CCDC91: variants seen among roughly 807,000 people sequenced by gnomAD.
The protein encoded by CCDC91 is coiled-coil domain containing 91, also known as coiled-coil domain-containing protein 91.
In CCDC91, 48 loss-of-function variants were observed where a neutral mutation model predicts 63.2. That is an observed-to-expected ratio of 0.76 (90% CI 0.60 to 0.97). CCDC91 has a LOEUF of 0.97. Among genes scored for constraint, CCDC91 ranks in the 50% least tolerant of loss-of-function variants. CCDC91 has a pLI of 0.00. For missense variants in CCDC91, 500 were observed against 494.6 expected, an observed-to-expected ratio of 1.01 and a Z score of -0.10; for synonymous variants, 167 against 165.8, an observed-to-expected ratio of 1.01 and a Z score of -0.06.
chr12:28,267,846 T>A (rs1400775392), intron 3 of CCDC91, among the ~76,000 whole-genome samples: 12,164 of 29,728 alleles, frequency 0.41, 2,720 homozygotes, highest in Non-Finnish European at 0.55. Context: ...TATATATAAT[T>A]ATATAGTAAT....
intron 6 of CCDC91, among the ~76,000 whole-genome samples, chr12:28,337,532 GTTTTT>G (rs982201533): frequency 7.1e-6 from 1 of 141,396 alleles, no homozygotes; most frequent in African/African-American, 2.6e-5. Context: ...TCATGACCTT[GTTTTT>G]TTTTTTCTTT....
At chr12:28,256,025 G>A (rs1288499389) in intron 1 of CCDC91, 4 of 152,056 alleles carry the variant, frequency 2.6e-5, no homozygotes, top group African/African-American at 9.7e-5. Flanking sequence ...TTGTTTTCCT[G>A]TAATGAAGTC....
intron 11 of CCDC91, among the ~76,000 whole-genome samples, chr12:28,481,425 A>G (rs1951441144): frequency 6.6e-6 from 1 of 152,012 alleles, no homozygotes; most frequent in Non-Finnish European, 1.5e-5. Flanking sequence ...AATATTTTGG[A>G]AAATACTTTT....
chr12:28,498,188 C>G (rs1377274744), intron 12 of CCDC91, among the ~76,000 whole-genome samples: 4 of 151,554 alleles, frequency 2.6e-5, no homozygotes, highest in African/African-American at 4.8e-5. Flanking sequence ...GTGATTCATT[C>G]ACTCCTTTTA....
intron 8 of CCDC91, among the ~76,000 whole-genome samples, chr12:28,447,089 C>A (rs1949538616): frequency 6.6e-6 from 1 of 152,126 alleles, no homozygotes; most frequent in African/African-American, 2.4e-5. Context: ...ACAACTTGCT[C>A]AACCTTCAGC....
At chr12:28,269,979 T>C (rs989746121) in intron 3 of CCDC91, among the ~76,000 whole-genome samples, 2 of 152,064 alleles carry the variant, frequency 1.3e-5, no homozygotes, top group African/African-American at 4.8e-5. Flanking sequence ...TATGCATTAA[T>C]TTTTTTCCTT....
chr12:28,267,824 T>TTACTATATAATTATATATAATTATATAG lies in CCDC91; in HGVS notation c.109+8384_109+8385insCTATATAATTATATATAATTATATAGTA, dbSNP rs1947354060. 2.9e-4 allele frequency among the ~76,000 whole-genome samples: 9 copies of TTACTATATAATTATATATAATTATATAG among 30,820 alleles called. 1 individual carries two copies. The highest frequency in any genetic ancestry group is 1.0e-3 in the East Asian group (1 of 984). The allele number at this position is 30,820 out of a possible 152,430, so 20.2% of individuals were successfully genotyped here. On this transcript the variant is annotated intron_variant, in intron 3 of 12. Coordinates refer to ENST00000536442, the MANE Select transcript of CCDC91 (RefSeq NM_018318.5). The stretch of plus-strand genomic sequence containing the variant: ...TATATAGTAATATATAATTATATTA[T>TTACTATATAATTATATATAATTATATAG]TAATATATAATTATATATAATTATA...
chr12:28,214,692 G>C (rs1943453861), intron 1 of CCDC91, among the ~76,000 whole-genome samples: 1 of 152,106 alleles, frequency 6.6e-6, no homozygotes, highest in African/African-American at 2.4e-5. Flanking sequence ...TTACATCATA[G>C]TGTTTAAATT....
At chr12:28,195,232 G>T (rs1031416257) in intron 1 of CCDC91, among the ~76,000 whole-genome samples, 1 of 152,074 alleles carries the variant, frequency 6.6e-6, no homozygotes, top group South Asian at 2.1e-4. Flanking sequence ...GACACAGAGC[G>T]CTGATTGGTG....
At chr12:28,533,584 CTGT>C (rs1401018649) in intron 12 of CCDC91, among the ~76,000 whole-genome samples, 38 of 152,032 alleles carry the variant, frequency 2.5e-4, no homozygotes, top group African/African-American at 8.7e-4. Flanking sequence ...AAAAATATAT[CTGT>C]TTACTTTCCC....
At chr12:28,238,023 A>G (rs1339524865) in intron 1 of CCDC91, among the ~76,000 whole-genome samples, 1 of 152,072 alleles carries the variant, frequency 6.6e-6, no homozygotes, top group East Asian at 1.9e-4. Context: ...TGTTTTCTGT[A>G]TCATTCATCA....
intron 8 of CCDC91, among the ~76,000 whole-genome samples, chr12:28,421,087 T>C (rs1947979593): frequency 6.6e-6 from 1 of 152,170 alleles, no homozygotes; most frequent in African/African-American, 2.4e-5. Flanking sequence ...TTCATGTTAT[T>C]GTTAACATTT....
At chr12:28,441,085 G>A (rs11049603) in intron 8 of CCDC91, among the ~76,000 whole-genome samples, 773 of 54,770 alleles carry the variant, frequency 0.014, no homozygotes, top group Middle Eastern at 0.037. Context: ...AAAAAAAAAA[G>A]AAAAGAAAAA....
chr12:28,390,056 T>C (rs1219592227), intron 7 of CCDC91, among the ~76,000 whole-genome samples: 7 of 152,170 alleles, frequency 4.6e-5, no homozygotes, highest in Admixed American at 1.3e-4. Flanking sequence ...TTTCCTTTAC[T>C]AATGTGCTAG....
At chr12:28,453,188 A>G (rs1949898838) in intron 11 of CCDC91, among the ~76,000 whole-genome samples, 1 of 151,950 alleles carries the variant, frequency 6.6e-6, no homozygotes, top group African/African-American at 2.4e-5. Flanking sequence ...ATGCAGAATA[A>G]CTTTTGATTG....
At chr12:28,474,212 C>G (rs1950965626) in intron 11 of CCDC91, among the ~76,000 whole-genome samples, 1 of 152,042 alleles carries the variant, frequency 6.6e-6, no homozygotes, top group African/African-American at 2.4e-5. Flanking sequence ...CTTAAAAGTG[C>G]AACAAAGTCG....
intron 6 of CCDC91, among the ~76,000 whole-genome samples, chr12:28,335,445 C>T (rs891420176): frequency 6.8e-6 from 1 of 147,228 alleles, no homozygotes; most frequent in Non-Finnish European, 1.5e-5. Context: ...GAGACCAGGT[C>T]TTGCTCTGCT....
intron 8 of CCDC91, among the ~76,000 whole-genome samples, chr12:28,422,649 C>T (rs1164624158): frequency 6.6e-6 from 1 of 152,008 alleles, no homozygotes; most frequent in Admixed American, 6.6e-5. Context: ...TTTCTCTTAC[C>T]ACATGCTTCA....
At chr12:28,355,070 C>T (rs1943433181) in intron 6 of CCDC91, among the ~76,000 whole-genome samples, 8 of 152,006 alleles carry the variant, frequency 5.3e-5, no homozygotes. Flanking sequence ...TTGATATTTT[C>T]CTCTTCCTAC....
Sources: allele counts gnomAD v4.1 joint callset (sites outside exome capture counted in the v4.1 genomes callset), GRCh38; gene constraint gnomAD v4.1.1; transcripts MANE v1.5; gene names NCBI Gene and HGNC (gene_info 2026-07-23, HGNC 2026-07-21).